Variants in ALS2CL observed in about 807,000 individuals in gnomAD.
ALS2CL encodes the protein ALS2 C-terminal like, also known as ALS2 C-terminal-like protein.
A neutral mutation model predicts 127.9 loss-of-function variants in ALS2CL; 112 were observed. The ratio of observed to expected loss-of-function variants is 0.88; its 90% CI spans 0.75 to 1.02. The LOEUF (loss-of-function observed/expected upper bound fraction) is 1.02, where lower values mean the gene tolerates loss of function less well. ALS2CL is among the 50% of genes least tolerant of loss of function. ALS2CL has a pLI of 0.00. For synonymous variants in ALS2CL, 519 were observed against 527.6 expected, an observed-to-expected ratio of 0.98 and a Z score of 0.22; for missense variants, 1,174 against 1,236.7, an observed-to-expected ratio of 0.95 and a Z score of 0.76.
chr3:46,672,737 G>A (rs559304760), intron 22 of ALS2CL, among the ~76,000 whole-genome samples: 1 of 152,324 alleles, frequency 6.6e-6, no homozygotes, highest in East Asian at 1.9e-4. Flanking sequence ...GCTCACGCCT[G>A]TAATCCCACC....
intron 1 of ALS2CL, among the ~76,000 whole-genome samples, chr3:46,692,766 C>T (rs1700237203): frequency 6.6e-6 from 1 of 152,204 alleles, no homozygotes; most frequent in South Asian, 2.1e-4. Context: ...CCCTGTGGCG[C>T]TCTAACCAGT....
intron 9 of ALS2CL, 61 bp downstream of exon 9, chr3:46,683,721 G>A: frequency 1.3e-6 from 2 of 1,580,482 alleles, no homozygotes; most frequent in Non-Finnish European, 1.7e-6. Flanking sequence ...GCATACTTCT[G>A]CCCTCTTCCT....
chr3:46,693,282 C>G (rs1700273840), intron 1 of ALS2CL, among the ~76,000 whole-genome samples: 1 of 152,274 alleles, frequency 6.6e-6, no homozygotes, highest in African/African-American at 2.4e-5. Flanking sequence ...CCATGCCGCT[C>G]CCATGCGAAA....
intron 1 of ALS2CL, among the ~76,000 whole-genome samples, chr3:46,692,976 C>T (rs1051166665): frequency 2.6e-5 from 4 of 152,112 alleles, no homozygotes; most frequent in Non-Finnish European, 5.9e-5. Context: ...GAGGCTTTTT[C>T]ATGGGCTGCC....
At chr3:46,674,531 C>T (rs1458535812) in intron 21 of ALS2CL, 35 bp downstream of exon 21, 1 of 1,588,512 alleles carries the variant, frequency 6.3e-7, no homozygotes, top group Non-Finnish European at 8.6e-7. Flanking sequence ...AGTTTGAGTC[C>T]TGGCTAACAC....
chr3:46,684,700 C>T (rs1350484093), intron 7 of ALS2CL, among the ~76,000 whole-genome samples: 2 of 152,184 alleles, frequency 1.3e-5, no homozygotes, highest in African/African-American at 4.8e-5. Context: ...CCACCAGACA[C>T]AACAGCATGT....
Position 46,683,141 on chromosome 3 carries a change from C to CCGGCCCCTGCA in ALS2CL, c.1087_1097dup (p.Pro367AlafsTer11). On this transcript the variant is annotated frameshift_variant, in exon 10 of 26. Transcript: ENST00000318962. LOFTEE classifies it high-confidence loss of function. The stretch of plus-strand genomic sequence containing the variant: ...CTCCAGCCACTCACTTGCCGTGGGG[C>CCGGCCCCTGCA]CGGCCCCTGCACCACTCGCCCTCGT... 2 of 1,574,574 alleles carry CCGGCCCCTGCA rather than the reference C, an allele frequency of 1.3e-6. No homozygotes were observed. The highest frequency in any genetic ancestry group is 8.6e-7 in the Non-Finnish European group (1 of 1,160,904).
chr3:46,685,589 A>T lies in ALS2CL; in HGVS notation c.722T>A (p.Val241Glu), dbSNP rs781363174. 6.2e-7 allele frequency: 1 copy of T among 1,614,044 alleles called. No individual in the cohort carries two copies. Among genetic ancestry groups the T allele is most frequent in the South Asian group, 1.1e-5 (1 of 91,072 alleles). The change falls in exon 7 of 26, where the codon GTG (valine) becomes GAG (glutamate). Residue 241 changes from valine (V) to glutamate (E), a missense_variant. By Grantham distance (121) the Val-to-Glu change is moderately radical (BLOSUM62 -2). Transcript: ENST00000318962. ...RLLQDSQDVP[V>E]TVAPLRAERV... ...CTCAGCCCGCAACGGTGCGACCGTCACGGGTACGTCCTGGCTGTCCTGAAG... is the reference window on the plus strand; with the variant it reads ...CTCAGCCCGCAACGGTGCGACCGTCTCGGGTACGTCCTGGCTGTCCTGAAG...
rs1013268006 is a variant in ALS2CL, at chr3:46,677,257, T to C, written c.1758-235A>G. The stretch of plus-strand genomic sequence containing the variant: ...TGCGACGAGAAGACAGACAGAAGCA[T>C]ATGGAATCCTGGAAAGACGGAGACA... On this transcript the variant is annotated intron_variant, in intron 16 of 25. Transcript: ENST00000318962. 5.8e-6 allele frequency: 8 copies of C among 1,368,478 alleles called. No homozygotes were observed. The African/African-American group carries it at 1.0e-4, about 18-fold the overall frequency. 84.8% of individuals were successfully genotyped at this position (1,368,478 alleles called of 1,614,324 possible).
At chr3:46,674,843 C>T in intron 20 of ALS2CL, 104 bp from the exon 21 acceptor site, 3 of 1,195,194 alleles carry the variant, frequency 2.5e-6, no homozygotes, top group Non-Finnish European at 3.4e-6. Flanking sequence ...AAACAGTGTC[C>T]TGGCCTCCAG....
At chr3:46,678,920 T>C (rs1194634279) in intron 15 of ALS2CL, among the ~76,000 whole-genome samples, 1 of 152,190 alleles carries the variant, frequency 6.6e-6, no homozygotes, top group East Asian at 1.9e-4. Flanking sequence ...CTCGAGGCAC[T>C]GGTACTGGTG....
chr3:46,683,021 A>C, intron 10 of ALS2CL, 109 bp downstream of exon 10: 1 of 1,199,812 alleles, frequency 8.3e-7, no homozygotes, highest in Non-Finnish European at 1.1e-6. Context: ...GTCCACAGAG[A>C]GTAACCGCTC....
Position 46,670,724 on chromosome 3 carries a change from C to A in ALS2CL, c.*260G>T, listed in dbSNP as rs1208451843. On this transcript the variant is annotated 3_prime_UTR_variant, in exon 26 of 26. Transcript: ENST00000318962. The surrounding 1 kb of genome is among the most constrained non-coding windows in gnomAD (Gnocchi z 5.5). ...AGAGAAGCCAGGGACTCCTCACCCC[C>A]AGCCTGTGAGCTGCTGCAGATTAAG... The A allele has an allele frequency of 8.6e-6, 4 of 464,852 alleles. No individual in the cohort carries two copies. The East Asian group carries it at 1.6e-4, about 18-fold the overall frequency. The allele number at this position is 464,852 out of a possible 1,614,324, so 28.8% of individuals were successfully genotyped here. A position where few individuals can be genotyped will look rare whatever the true frequency, so the allele number is the denominator to read the frequency against.
At position 46,670,784 on chromosome 3, in the gene ALS2CL, AC is replaced by A; in HGVS notation, c.*199del. 1.8e-6 allele frequency: 1 copy of A among 559,654 alleles called. No homozygotes were observed. The highest frequency in any genetic ancestry group is 2.0e-5 in the South Asian group (1 of 49,324). 34.7% of individuals were successfully genotyped at this position (559,654 alleles called of 1,614,324 possible). A position where few individuals can be genotyped will look rare whatever the true frequency, so the allele number is the denominator to read the frequency against. On this transcript the variant is annotated 3_prime_UTR_variant, in exon 26 of 26. Coordinates refer to ENST00000318962, the MANE Select transcript of ALS2CL (RefSeq NM_147129.5). The surrounding 1 kb of genome is among the most constrained non-coding windows in gnomAD (Gnocchi z 5.5). ...AAGATGGGCTAGTGGCCAAGGGAAAACCACCACATCCAGGGCCACACCCGTC... is the reference window on the plus strand; with the variant it reads ...AAGATGGGCTAGTGGCCAAGGGAAAACACCACATCCAGGGCCACACCCGTC...
Position 46,679,204 on chromosome 3 carries a change from C to A in ALS2CL, c.1626+6G>T. ...GGGTGTGGAGGGGGGCCTCAGTGGT[C>A]CTCACCTTCCCCATGAGGGTCAGGT... On this transcript the variant is annotated splice_donor_region_variant and intron_variant, in intron 15 of 25. Transcript: ENST00000318962. 2 of 1,557,946 alleles carry A rather than the reference C, an allele frequency of 1.3e-6. No individual in the cohort carries two copies. Among genetic ancestry groups the A allele is most frequent in the South Asian group, 2.4e-5 (2 of 84,188 alleles).
chr3:46,679,379 G>A, intron 14 of ALS2CL, 92 bp from the exon 15 acceptor site: 1 of 1,055,040 alleles, frequency 9.5e-7, no homozygotes. Context: ...GAAGGGAGAT[G>A]TGCCCTGACA....
At chr3:46,675,232 TG>T in intron 20 of ALS2CL, 1 of 227,898 alleles carries the variant, frequency 4.4e-6, no homozygotes, top group Non-Finnish European at 8.6e-6. Flanking sequence ...CTCCAGGGAC[TG>T]GGGGAAACAA....
In ALS2CL at chr3:46,681,641, G is replaced by C. The variant is rs112526655; in HGVS notation, c.1176-43C>G. ...GGGGTGGGGATCAGCCCTGACCTGA[G>C]ACGCCCATTACACCTACTCCATGCC... is the stretch of plus-strand genomic sequence containing the variant. On this transcript the variant is annotated intron_variant, in intron 11 of 25. Coordinates refer to ENST00000318962, the MANE Select transcript of ALS2CL (RefSeq NM_147129.5). This position sits in a 1 kb window ranked among gnomAD's most constrained non-coding sequence, Gnocchi z 4.9. The C allele has an allele frequency of 1.3e-6, 2 of 1,599,550 alleles. No homozygotes were observed. The highest frequency in any genetic ancestry group is 3.3e-5 in the Admixed American group (2 of 59,878).
In ALS2CL at chr3:46,670,686, A is replaced by C; in HGVS notation, c.*298T>G. 2.6e-6 allele frequency: 1 copy of C among 383,816 alleles called. No individual in the cohort carries two copies. The highest frequency in any genetic ancestry group is 3.6e-5 in the Admixed American group (1 of 28,124). 23.8% of individuals were successfully genotyped at this position (383,816 alleles called of 1,614,324 possible). ...CGGAGAGGCTCTGGAACTTGGGAGA[A>C]AGGCTCAGGCTAAGAGAAGCCAGGG... On this transcript the variant is annotated 3_prime_UTR_variant, in exon 26 of 26. Transcript: ENST00000318962. This position sits in a 1 kb window ranked among gnomAD's most constrained non-coding sequence, Gnocchi z 5.5.
Sources: gnomAD v4.1 joint callset for allele counts (sites outside exome capture counted in the v4.1 genomes callset) on GRCh38, gnomAD v4.1.1 for gene constraint, Gnocchi (gnomAD v3.1) non-coding constraint, MANE v1.5 for transcripts, NCBI Gene and HGNC (gene_info 2026-07-23, HGNC 2026-07-21) for gene names.